CIITA: variants seen among roughly 807,000 people sequenced by gnomAD.
The protein encoded by CIITA is class II major histocompatibility complex transactivator, also known as MHC class II transactivator.
CIITA carries 72 observed loss-of-function variants against 115.1 expected under a neutral mutation model. The ratio of observed to expected loss-of-function variants is 0.63; its 90% confidence interval spans 0.52 to 0.76. The LOEUF (loss-of-function observed/expected upper bound fraction) is 0.76. CIITA is among the 30% of genes least tolerant of loss of function. The probability of loss-of-function intolerance (pLI) is 0.00; values close to 1 mark genes in which losing one functional copy is unlikely to be tolerated. For synonymous variants in CIITA, 763 were observed against 635.6 expected, an observed-to-expected ratio of 1.20 and a Z score of -3.02; for missense variants, 1,617 against 1,463.8, an observed-to-expected ratio of 1.10 and a Z score of -1.71.
intron 3 of CIITA, among the ~76,000 whole-genome samples, chr16:10,897,635 A>G (rs541238407): frequency 5.9e-5 from 9 of 152,322 alleles, no homozygotes; most frequent in Non-Finnish European, 1.2e-4. Flanking sequence ...ATATGACCTT[A>G]GCTTCTAAAT....
chr16:10,937,903 T>G (rs1445866407), downstream of CIITA: 3 of 152,216 alleles, frequency 2.0e-5, no homozygotes, highest in Non-Finnish European at 2.9e-5. The surrounding 1 kb of genome is among the most constrained non-coding windows in gnomAD (Gnocchi z 4.2). Flanking sequence ...CTAAGGGTCC[T>G]GGGGCTGGGA....
chr16:10,934,079 C>G lies in CIITA; in HGVS notation c.*10224C>G, dbSNP rs1013486489. The G allele has an allele frequency of 1.3e-5, 2 of 152,196 alleles. No homozygotes were observed. The highest frequency in any genetic ancestry group is 4.8e-5 in the African/African-American group (2 of 41,426). 9.4% of individuals were successfully genotyped at this position (152,196 alleles called of 1,614,324 possible). ...GGCTTCGGATTTGCACGTTGGCTGC[C>G]AAAGCTGATCAGCAGCGGGCTTTGT... On this transcript the variant is annotated 3_prime_UTR_variant, in exon 20 of 20. Transcript: ENST00000324288. The surrounding 1 kb of genome is among the most constrained non-coding windows in gnomAD (Gnocchi z 4.2).
Position 10,942,902 on chromosome 16 carries a change from T to TC in CIITA, n.2032dup, listed in dbSNP as rs1452216453. On this transcript the variant is annotated non_coding_transcript_exon_variant, in exon 2 of 2. Coordinates refer to the CIITA transcript ENST00000573379. This position sits in a 1 kb window ranked among gnomAD's most constrained non-coding sequence, Gnocchi z 5.0. ...TTTTCATGGTGGAGATCCACCAGTG[T>TC]CCCCTTCGCTTCTCCAAACTCTGGT... 1 of 152,206 alleles carries TC rather than the reference T, an allele frequency of 6.6e-6. No individual in the cohort carries two copies. The highest frequency in any genetic ancestry group is 1.5e-5 in the Non-Finnish European group (1 of 68,046). The allele number at this position is 152,206 out of a possible 1,614,324, so 9.4% of individuals were successfully genotyped here.
chr16:10,914,561 A>G (rs1281007886), intron 13 of CIITA, among the ~76,000 whole-genome samples: 2 of 152,244 alleles, frequency 1.3e-5, no homozygotes, highest in Non-Finnish European at 2.9e-5. Context: ...TGCAGAATAA[A>G]AGACAGCTCT....
chr16:10,917,952 C>T (rs1039223714), intron 15 of CIITA, among the ~76,000 whole-genome samples: 3 of 152,162 alleles, frequency 2.0e-5, no homozygotes, highest in African/African-American at 7.2e-5. Context: ...ACACTGTAAG[C>T]TAGATTTCTT....
Position 10,941,669 on chromosome 16 carries a change from G to A in CIITA, n.795G>A. 1 of 1,559,782 alleles carries A rather than the reference G, an allele frequency of 6.4e-7. No individual in the cohort carries two copies. The highest frequency in any genetic ancestry group is 1.2e-5 in the South Asian group (1 of 81,990). On this transcript the variant is annotated non_coding_transcript_exon_variant, in exon 2 of 2. Transcript: ENST00000573379. This position sits in a 1 kb window ranked among gnomAD's most constrained non-coding sequence, Gnocchi z 6.4. Reference sequence around the variant, plus strand: ...GGCATGATCTGGGCGGCTGGTCCAGGGCATGGGTTGCGGATCGTGTAGGGA... The same window carrying A: ...GGCATGATCTGGGCGGCTGGTCCAGAGCATGGGTTGCGGATCGTGTAGGGA...
upstream of CIITA, among the ~76,000 whole-genome samples, chr16:10,876,155 TA>T (rs557929413): frequency 5.8e-4 from 87 of 149,580 alleles, no homozygotes; most frequent in African/African-American, 1.6e-3. Context: ...AAACTCCGTC[TA>T]AAAAAAAACA....
chr16:10,887,070 C>T (rs1213123182), intron 1 of CIITA, among the ~76,000 whole-genome samples: 1 of 152,120 alleles, frequency 6.6e-6, no homozygotes, highest in Non-Finnish European at 1.5e-5. Context: ...TAGAGTTTAT[C>T]TGGAGGACTA....
At chr16:10,889,995 TTTTTGGGA>T (rs1567379089) in intron 1 of CIITA, among the ~76,000 whole-genome samples, 1 of 152,188 alleles carries the variant, frequency 6.6e-6, no homozygotes, top group East Asian at 1.9e-4. Flanking sequence ...TCCCCAGAGC[TTTTTGGGA>T]ACTCAGATGG....
In CIITA at chr16:10,942,109, G is replaced by A; in HGVS notation, n.1235G>A. ...CAGCGCAGCCATCCAGGGGTACCCTGGAGCCCGACAGAAGCAGGGCCGGGC... is the reference window on the plus strand; with the variant it reads ...CAGCGCAGCCATCCAGGGGTACCCTAGAGCCCGACAGAAGCAGGGCCGGGC... On this transcript the variant is annotated non_coding_transcript_exon_variant, in exon 2 of 2. Coordinates refer to the CIITA transcript ENST00000573379. The surrounding 1 kb of genome is among the most constrained non-coding windows in gnomAD (Gnocchi z 5.0). The A allele has an allele frequency of 4.4e-6, 4 of 915,454 alleles. No homozygotes were observed. Among genetic ancestry groups the A allele is most frequent in the Non-Finnish European group, 6.0e-6 (4 of 671,708 alleles). 56.7% of individuals were successfully genotyped at this position (915,454 alleles called of 1,614,324 possible).
At chr16:10,869,766 C>T (rs965920643) in intron 1 of CIITA, among the ~76,000 whole-genome samples, 4 of 152,158 alleles carry the variant, frequency 2.6e-5, no homozygotes, top group African/African-American at 9.7e-5. Context: ...CCGCCCACCC[C>T]ACAAAGTACT....
chr16:10,904,562 A>G (rs1016746965), intron 9 of CIITA, among the ~76,000 whole-genome samples, 182 bp from the exon 10 acceptor site: 1 of 152,194 alleles, frequency 6.6e-6, no homozygotes, highest in African/African-American at 2.4e-5. Flanking sequence ...TGAAATTTTT[A>G]AAAGTACAGT....
rs1447225926 is a variant in CIITA, at chr16:10,908,010, C to T, written c.2518C>T (p.Leu840Phe). The T allele has an allele frequency of 1.2e-6, 2 of 1,602,056 alleles. No individual in the cohort carries two copies. Among genetic ancestry groups the T allele is most frequent in the African/African-American group, 2.7e-5 (2 of 74,612 alleles). The change falls in exon 11 of 20, where the codon CTC (leucine) becomes TTC (phenylalanine). Residue 840 changes from leucine to phenylalanine, a missense_variant. Transcript: ENST00000324288. ...CCGCCTCTCTTTTCTGGGCACCCGC[C>T]TCACGCCTCCTGATGCACATGTACT... ...PGRLSFLGTR[L>F]TPPDAHVLGK...
chr16:10,903,007 C>T (rs192392244), intron 8 of CIITA, among the ~76,000 whole-genome samples: 4 of 152,294 alleles, frequency 2.6e-5, no homozygotes, highest in Admixed American at 2.6e-4. Flanking sequence ...GGTGCATGAC[C>T]AAGAGTGGTT....
At position 10,907,780 on chromosome 16, in the gene CIITA, TC is replaced by T. The variant is rs1064794659; in HGVS notation, c.2290del (p.Gln764SerfsTer30). 2.5e-6 allele frequency: 4 copies of T among 1,614,132 alleles called. No homozygotes were observed. Among genetic ancestry groups the T allele is most frequent in the Non-Finnish European group, 3.4e-6 (4 of 1,180,006 alleles). ...CCACGCTTTCTGGCTGGGCTGATCT[TC>T]CAGCCTCCCGCCCGCTGCCTGGGAG... is the stretch of plus-strand genomic sequence containing the variant. ...GVPRFLAGLIFQPPARCLGAL... is the reference protein window; with the variant it reads ...GVPRFLAGLIXQPPARCLGAL... On this transcript the variant is annotated frameshift_variant, in exon 11 of 20. Transcript: ENST00000324288. LOFTEE classifies it high-confidence loss of function. This position sits in a 1 kb window ranked among gnomAD's most constrained non-coding sequence, Gnocchi z 5.0.
chr16:10,922,371 C>T, intron 17 of CIITA, 36 bp from the exon 18 acceptor site: 1 of 1,613,878 alleles, frequency 6.2e-7, no homozygotes, highest in Non-Finnish European at 8.5e-7. Context: ...TGGGGAGTCC[C>T]AAGGGCCAGG....
In CIITA at chr16:10,901,548, C is replaced by T. The variant is rs149990869; in HGVS notation, c.471C>T (p.His157=). The T allele has an allele frequency of 1.6e-4, 252 of 1,613,844 alleles. No individual in the cohort carries two copies. The highest frequency in any genetic ancestry group is 2.1e-4 in the Non-Finnish European group (245 of 1,179,998). The change falls in exon 6 of 20, where the codon CAC becomes CAT. Residue 157 remains histidine, a synonymous_variant. Coordinates refer to ENST00000324288, the MANE Select transcript of CIITA (RefSeq NM_000246.4). The surrounding 1 kb of genome is among the most constrained non-coding windows in gnomAD (Gnocchi z 6.8). ...FPEELPADLK[H]WKPAEPPTVV... The stretch of plus-strand genomic sequence containing the variant: ...AGGAGCTTCCGGCAGACCTGAAGCA[C>T]TGGAAGCCAGGTGTGCAGGGCAGGT...
At chr16:10,889,519 T>A (rs1396850858) in intron 1 of CIITA, among the ~76,000 whole-genome samples, 1 of 151,316 alleles carries the variant, frequency 6.6e-6, no homozygotes, top group Non-Finnish European at 1.5e-5. Flanking sequence ...TTTTGTTTTT[T>A]GTTTTTTGTT....
At position 10,906,581 on chromosome 16, in the gene CIITA, G is replaced by A. The variant is rs1351604984; in HGVS notation, c.1089G>A (p.Val363=). 6.2e-7 allele frequency: 1 copy of A among 1,613,500 alleles called. No homozygotes were observed. Among genetic ancestry groups the A allele is most frequent in the African/African-American group, 1.3e-5 (1 of 74,930 alleles). ...GCCCGGATGGCATCCTAGTGGAGGT[G>A]GATCTGGTGCAGGCCAGGCTGGAGA... ...PAGPDGILVE[V]DLVQARLERS... The change falls in exon 11 of 20, where the codon GTG becomes GTA. Residue 363 remains valine (V), a synonymous_variant. Coordinates refer to ENST00000324288, the MANE Select transcript of CIITA (RefSeq NM_000246.4).
Sources: gnomAD v4.1 joint callset for allele counts (sites outside exome capture counted in the v4.1 genomes callset) on GRCh38, gnomAD v4.1.1 for gene constraint, Gnocchi (gnomAD v3.1) non-coding constraint, MANE v1.5 for transcripts, NCBI Gene and HGNC (gene_info 2026-07-23, HGNC 2026-07-21) for gene names.